KIAA0930: variants seen among roughly 807,000 people sequenced by gnomAD.
The protein encoded by KIAA0930 is KIAA0930.
KIAA0930 carries 24 observed loss-of-function variants against 43.9 expected under a neutral mutation model. The observed-to-expected ratio is 0.55, with a 90% confidence interval of 0.40 to 0.77. The LOEUF (loss-of-function observed/expected upper bound fraction) is 0.77. KIAA0930 is among the 30% of genes least tolerant of loss of function. The pLI is 0.00. For synonymous variants in KIAA0930, 259 were observed against 216.4 expected, an observed-to-expected ratio of 1.20 and a Z score of -1.73; for missense variants, 461 against 574.2, an observed-to-expected ratio of 0.80 and a Z score of 2.02.
chr22:45,230,876 A>G (rs1271269790), intron 1 of KIAA0930, among the ~76,000 whole-genome samples: 1 of 150,222 alleles, frequency 6.7e-6, no homozygotes, highest in East Asian at 2.1e-4. Flanking sequence ...CACGTCGCCC[A>G]GCCCAGATCA....
intron 1 of KIAA0930, among the ~76,000 whole-genome samples, chr22:45,239,952 A>C (rs1177076364): frequency 2.6e-5 from 4 of 151,874 alleles, no homozygotes; most frequent in Admixed American, 2.0e-4. Flanking sequence ...CCCCACCCAC[A>C]CCTGCAGTCC....
At position 45,194,052 on chromosome 22, in the gene KIAA0930, C is replaced by CTTTTTTTTTTTTTTTTTT. The variant is rs71190644; in HGVS notation, c.*3106_*3123dup. On this transcript the variant is annotated 3_prime_UTR_variant, in exon 10 of 10. Coordinates refer to ENST00000336156, the MANE Select transcript of KIAA0930 (RefSeq NM_001009880.2). ...GGTTTGGGTTTAAAGACCAATGTAT[C>CTTTTTTTTTTTTTTTTTT]TTTTTTTTTTTTTTTTTTTTTTTTT... is the stretch of plus-strand genomic sequence containing the variant. 9.0e-5 allele frequency: 4 copies of CTTTTTTTTTTTTTTTTTT among 44,346 alleles called. No individual in the cohort carries two copies. The highest frequency in any genetic ancestry group is 7.5e-4 in the East Asian group (1 of 1,332). The allele number at this position is 44,346 out of a possible 1,614,324, so 2.7% of individuals were successfully genotyped here.
chr22:45,233,886 G>T (rs188726895), intron 1 of KIAA0930, among the ~76,000 whole-genome samples: 2 of 152,346 alleles, frequency 1.3e-5, no homozygotes, highest in African/African-American at 4.8e-5. Context: ...GCCTAGCCCA[G>T]CACCGCATGC....
chr22:45,200,585 C>T (rs2083579170), intron 7 of KIAA0930, among the ~76,000 whole-genome samples: 1 of 152,220 alleles, frequency 6.6e-6, no homozygotes. Context: ...CCCCATCCCT[C>T]TCATTCCCAG....
Position 45,205,900 on chromosome 22 carries a change from C to T in KIAA0930, c.229G>A (p.Glu77Lys), listed in dbSNP as rs1352499856. 3 of 1,613,398 alleles carry T rather than the reference C, an allele frequency of 1.9e-6. No homozygotes were observed. The change falls in exon 3 of 10, where the codon GAG becomes AAG. Residue 77 changes from glutamate (E) to lysine (K), a missense_variant. Transcript: ENST00000336156. Reference protein sequence around the residue: ...GADGRKAAEPEVEVEVYRRDS... With the variant: ...GADGRKAAEPKVEVEVYRRDS... ...CGCCGGTACACCTCCACCTCCACCT[C>T]AGGCTCAGCTGCCTGCGAGGCCCAG...
At chr22:45,225,365 C>G (rs1177858547) in intron 1 of KIAA0930, among the ~76,000 whole-genome samples, 1 of 152,188 alleles carries the variant, frequency 6.6e-6, no homozygotes, top group Non-Finnish European at 1.5e-5. Flanking sequence ...GTGCCATGCC[C>G]TCTCCTCTGA....
At chr22:45,226,319 C>T (rs868448915) in intron 1 of KIAA0930, 1 of 471,128 alleles carries the variant, frequency 2.1e-6, no homozygotes, top group Non-Finnish European at 4.4e-6. Context: ...ACCTGGCAAG[C>T]TCGTGGGGTT....
chr22:45,217,728 A>G (rs888831460), intron 1 of KIAA0930, among the ~76,000 whole-genome samples: 1 of 152,208 alleles, frequency 6.6e-6, no homozygotes, highest in Admixed American at 6.5e-5. Flanking sequence ...CGAAAGTGCC[A>G]TGAGTACTGA....
At chr22:45,224,597 C>A (rs939753343) in intron 1 of KIAA0930, among the ~76,000 whole-genome samples, 2 of 152,226 alleles carry the variant, frequency 1.3e-5, no homozygotes, top group South Asian at 4.1e-4. Context: ...CCCCCGCCAT[C>A]CCCAGCTTCA....
At chr22:45,205,770 G>GGGGCCCCCCCCCCCCC in intron 3 of KIAA0930, 23 bp downstream of exon 3, 6 of 1,523,768 alleles carry the variant, frequency 3.9e-6, no homozygotes, top group African/African-American at 1.4e-5. Context: ...CCAATCCGCA[G>GGGGCCCCCCCCCCCCC]CCCCACCCAT....
Position 45,193,431 on chromosome 22 carries a change from A to C in KIAA0930, c.*3745T>G, listed in dbSNP as rs2083507817. On this transcript the variant is annotated 3_prime_UTR_variant, in exon 10 of 10. Transcript: ENST00000336156. The stretch of plus-strand genomic sequence containing the variant: ...TCCTCTGGGACATCTTTTAATGAAA[A>C]AAAAAAGTTTTACTTTGTTCTTCAA... 1 of 152,320 alleles carries C rather than the reference A, an allele frequency of 6.6e-6. No homozygotes were observed. The allele number at this position is 152,320 out of a possible 1,614,324, so 9.4% of individuals were successfully genotyped here.
Position 45,204,263 on chromosome 22 carries a change from G to A in KIAA0930, c.517-278C>T, listed in dbSNP as rs537253278. Among the ~76,000 whole-genome samples the A allele has an allele frequency of 7.9e-5, 12 of 152,262 alleles. 1 individual carries two copies. In the South Asian group the frequency reaches 1.7e-3, roughly 21 times the overall value. ...ACCCTCATCACGGTTCACCAGGACC[G>A]TCAGCCACCGTCTGGGCCCCTCCAC... On this transcript the variant is annotated intron_variant, in intron 5 of 9. Coordinates refer to ENST00000336156, the MANE Select transcript of KIAA0930 (RefSeq NM_001009880.2).
At chr22:45,205,753 C>A in intron 3 of KIAA0930, 40 bp downstream of exon 3, 1 of 1,612,564 alleles carries the variant, frequency 6.2e-7, no homozygotes, top group Non-Finnish European at 8.5e-7. Flanking sequence ...TCAGCCATCC[C>A]ACAGGGCCAA....
chr22:45,208,556 C>CACCGACTCCACACACATGAG (rs1569075768), intron 2 of KIAA0930, among the ~76,000 whole-genome samples: 31 of 152,152 alleles, frequency 2.0e-4, no homozygotes, highest in Middle Eastern at 3.4e-3. Context: ...CAGGCAGAAC[C>CACCGACTCCACACACATGAG]CGCCCGGGAA....
chr22:45,237,781 C>T (rs974645444), intron 1 of KIAA0930, among the ~76,000 whole-genome samples: 6 of 152,174 alleles, frequency 3.9e-5, no homozygotes, highest in African/African-American at 7.2e-5. Context: ...ATTCAGTGGA[C>T]GCAGAAGTGC....
At chr22:45,199,812 G>A (rs1296790182) in intron 8 of KIAA0930, 61 bp downstream of exon 8, 4 of 1,364,926 alleles carry the variant, frequency 2.9e-6, no homozygotes, top group East Asian at 2.7e-5. Flanking sequence ...ATGAATGACT[G>A]GTCTGGATCA....
chr22:45,230,587 T>G (rs2083846706), intron 1 of KIAA0930, among the ~76,000 whole-genome samples: 1 of 144,194 alleles, frequency 6.9e-6, no homozygotes, highest in South Asian at 2.1e-4. Context: ...ATTCTTTTTT[T>G]TTTTTTTTTT....
chr22:45,229,320 T>C (rs77622495), intron 1 of KIAA0930, among the ~76,000 whole-genome samples: 27 of 448 alleles, frequency 0.06, 3 homozygotes, highest in Admixed American at 0.11. Context: ...CCTCTCCACA[T>C]CCCCACCACC....
intron 1 of KIAA0930, among the ~76,000 whole-genome samples, chr22:45,225,889 G>A (rs1226309705): frequency 1.3e-5 from 2 of 152,226 alleles, no homozygotes; most frequent in African/African-American, 4.8e-5. Flanking sequence ...GGGGCTCAAG[G>A]CCCGAGCGCC....
Sources: gnomAD v4.1 joint callset for allele counts (sites outside exome capture counted in the v4.1 genomes callset) on GRCh38, gnomAD v4.1.1 for gene constraint, MANE v1.5 for transcripts, NCBI Gene and HGNC (gene_info 2026-07-23, HGNC 2026-07-21) for gene names.